The following USH2A variants were observed in gnomAD, a reference collection of about 807,000 sequenced individuals.
USH2A encodes the protein usherin.
In USH2A, 443 loss-of-function variants were observed where a neutral mutation model predicts 538.9. That is an observed-to-expected ratio of 0.82 (90% CI 0.76 to 0.89). USH2A has a LOEUF of 0.89. Among genes scored for constraint, USH2A ranks in the 40% least tolerant of loss-of-function variants. USH2A has a pLI of 0.00. For missense variants in USH2A, 6,633 were observed against 6,324.8 expected, an observed-to-expected ratio of 1.05 and a Z score of -1.65; for synonymous variants, 2,413 against 2,273.5, an observed-to-expected ratio of 1.06 and a Z score of -1.75.
rs138384536 is a variant in USH2A at position 215,944,459 on chromosome 1, C to T, written c.7121-9664G>A. ...TTTTTTTAAAGAGTGGAACAAAGCA[C>T]GTGGAAAGAATATTTTGTTGATATA... On this transcript the variant is annotated intron_variant, in intron 37 of 71. Transcript: ENST00000307340. Among the ~76,000 whole-genome samples, 767 of 152,108 alleles carry T rather than the reference C, an allele frequency of 5.0e-3. 8 individuals are homozygous for T. Among genetic ancestry groups the T allele is most frequent in the African/African-American group, 0.017 (703 of 41,522 alleles).
At chr1:216,255,993 C>T (rs2102558832) in intron 11 of USH2A, among the ~76,000 whole-genome samples, 1 of 152,160 alleles carries the variant, frequency 6.6e-6, no homozygotes, top group Admixed American at 6.6e-5. Context: ...TCATCCTGGG[C>T]AATATTTTAT....
At chr1:216,352,930 A>G (rs1310289742) in intron 4 of USH2A, among the ~76,000 whole-genome samples, 3 of 152,134 alleles carry the variant, frequency 2.0e-5, no homozygotes, top group Non-Finnish European at 4.4e-5. Flanking sequence ...CAGGAAAGTG[A>G]ATGAATGAGG....
chr1:215,650,565 T>A, intron 65 of USH2A, 27 bp downstream of exon 65: 2 of 1,613,680 alleles, frequency 1.2e-6, no homozygotes, highest in Non-Finnish European at 1.7e-6. Flanking sequence ...AGTCAACCAG[T>A]CCTGGATTTT....
chr1:215,851,312 C>T (rs1398731393), intron 44 of USH2A, among the ~76,000 whole-genome samples: 1 of 151,808 alleles, frequency 6.6e-6, no homozygotes, highest in African/African-American at 2.4e-5. Context: ...GAAGATTAAC[C>T]AAGAAAAGAA....
chr1:215,672,567 A>T (rs1346404549), intron 63 of USH2A, among the ~76,000 whole-genome samples: 1 of 152,066 alleles, frequency 6.6e-6, no homozygotes, highest in Non-Finnish European at 1.5e-5. Context: ...CATAAAGATT[A>T]TTCATTTTCT....
chr1:215,678,068 G>A (rs752442254), intron 62 of USH2A, among the ~76,000 whole-genome samples: 22 of 152,054 alleles, frequency 1.4e-4, no homozygotes, highest in African/African-American at 4.8e-4. Context: ...ATGTATCTTC[G>A]ATTCACCTAT....
intron 20 of USH2A, among the ~76,000 whole-genome samples, chr1:216,179,282 A>T (rs2034446990): frequency 6.6e-6 from 1 of 152,136 alleles, no homozygotes; most frequent in African/African-American, 2.4e-5. Context: ...TTGTGTAATA[A>T]TTATTGAAAA....
rs755974719 is a variant in USH2A at position 215,680,316 on chromosome 1, C to A, written c.12127G>T (p.Val4043Phe). Residue 4043 changes from valine to phenylalanine, a missense_variant, in exon 62 of 72, where the codon GTT (valine) becomes TTT (phenylalanine). By Grantham distance (50) the Val-to-Phe change is conservative. Coordinates refer to ENST00000307340, the MANE Select transcript of USH2A (RefSeq NM_206933.4). ...LEPFTTYRIG[V>F]VAANHAGEIL... ...TCTCCTGCATGGTTTGCAGCCACAA[C>A]ACCAATGCGATATGTTGTGAATGGT... The A allele has an allele frequency of 1.2e-6, 2 of 1,614,130 alleles. No homozygotes were observed. Among genetic ancestry groups the A allele is most frequent in the East Asian group, 2.2e-5 (1 of 44,880 alleles).
chr1:216,024,164 G>C (rs998176875), intron 32 of USH2A, among the ~76,000 whole-genome samples: 1 of 152,010 alleles, frequency 6.6e-6, no homozygotes, highest in African/African-American at 2.4e-5. Context: ...TATGGTTTAG[G>C]GAAACAAAAT....
rs1300838050 is a variant in USH2A at position 215,623,808 on chromosome 1, T to G, written c.*1973A>C. The G allele has an allele frequency of 6.6e-6, 1 of 152,310 alleles. No individual in the cohort carries two copies. Among genetic ancestry groups the G allele is most frequent in the East Asian group, 1.9e-4 (1 of 5,186 alleles). The allele number at this position is 152,310 out of a possible 1,614,324, so 9.4% of individuals were successfully genotyped here. ...TTGGAAAAATACACAGTGATAAAGA[T>G]ACCTGGTTAATTTTTCAAAAATCAG... On this transcript the variant is annotated 3_prime_UTR_variant, in exon 72 of 72. Transcript: ENST00000307340.
chr1:216,308,963 A>C (rs2037371266), intron 9 of USH2A, among the ~76,000 whole-genome samples: 1 of 152,202 alleles, frequency 6.6e-6, no homozygotes, highest in African/African-American at 2.4e-5. Context: ...CAAAGGAAAA[A>C]TACGAACCTC....
At chr1:216,085,484 G>T (rs1024042486) in intron 24 of USH2A, among the ~76,000 whole-genome samples, 3 of 151,876 alleles carry the variant, frequency 2.0e-5, no homozygotes, top group South Asian at 2.1e-4. Flanking sequence ...GGAGGAGAAG[G>T]TGCACTGAGG....
chr1:215,697,189 G>A (rs1658845068), intron 61 of USH2A, among the ~76,000 whole-genome samples: 1 of 151,546 alleles, frequency 6.6e-6, no homozygotes, highest in Non-Finnish European at 1.5e-5. Context: ...GAACTCCTAA[G>A]CTCAAGAGAT....
intron 38 of USH2A, among the ~76,000 whole-genome samples, chr1:215,924,188 T>C (rs1666175020): frequency 6.6e-6 from 1 of 152,148 alleles, no homozygotes; most frequent in Non-Finnish European, 1.5e-5. Context: ...TCTAGTTTCA[T>C]TTGTCCCAAT....
At chr1:216,268,428 A>G (rs774183911) in intron 11 of USH2A, among the ~76,000 whole-genome samples, 2 of 152,138 alleles carry the variant, frequency 1.3e-5, no homozygotes, top group Non-Finnish European at 2.9e-5. Context: ...CATGTTTAGC[A>G]TCATCTCTGG....
chr1:216,076,437 C>T (rs1043764625), intron 27 of USH2A, among the ~76,000 whole-genome samples: 7 of 152,060 alleles, frequency 4.6e-5, no homozygotes, highest in Admixed American at 2.0e-4. Flanking sequence ...GTTTTAGCCA[C>T]GTCTTTAGGA....
At chr1:215,807,717 C>T (rs1366605140) in intron 49 of USH2A, among the ~76,000 whole-genome samples, 1 of 151,974 alleles carries the variant, frequency 6.6e-6, no homozygotes, top group Non-Finnish European at 1.5e-5. Context: ...TCTCAAAGGT[C>T]ATTAGATGTT....
chr1:215,714,584 C>T (rs893280658), intron 61 of USH2A, among the ~76,000 whole-genome samples: 1 of 152,000 alleles, frequency 6.6e-6, no homozygotes. Flanking sequence ...GTTTAAAGGG[C>T]AATTTATATC....
intron 60 of USH2A, among the ~76,000 whole-genome samples, chr1:215,737,593 TA>T (rs903662084): frequency 2.9e-4 from 44 of 152,022 alleles, no homozygotes; most frequent in African/African-American, 1.1e-3. Flanking sequence ...AGATCATTGG[TA>T]AAAGGGCTTA....
Sources: allele counts gnomAD v4.1 joint callset (sites outside exome capture counted in the v4.1 genomes callset), GRCh38; gene constraint gnomAD v4.1.1; transcripts MANE v1.5; gene names NCBI Gene and HGNC (gene_info 2026-07-23, HGNC 2026-07-21).